ADAMTS12: variants seen among roughly 807,000 people sequenced by gnomAD.
ADAMTS12 encodes the protein A disintegrin and metalloproteinase with thrombospondin motifs 12.
Under a neutral mutation model 167.8 loss-of-function variants are expected in ADAMTS12, and 118 were observed. The observed-to-expected ratio is 0.70, with a 90% CI of 0.61 to 0.82. ADAMTS12 has a LOEUF of 0.82. Ranked by LOEUF, ADAMTS12 falls within the 40% of genes least tolerant of loss-of-function variation. ADAMTS12 has a pLI of 0.00. For missense variants in ADAMTS12, 1,916 were observed against 1,998.8 expected (o/e 0.96, Z 0.79); for synonymous variants, 704 against 716.9 (o/e 0.98, Z 0.29).
At chr5:33,639,390 C>T (rs975646543) in intron 11 of ADAMTS12, among the ~76,000 whole-genome samples, 10 of 152,118 alleles carry the variant, frequency 6.6e-5, no homozygotes, top group Admixed American at 3.9e-4. Flanking sequence ...AAATTTAAGA[C>T]AGCAATTATG....
intron 11 of ADAMTS12, among the ~76,000 whole-genome samples, chr5:33,641,012 A>G (rs1467982546): frequency 6.6e-6 from 1 of 151,888 alleles, no homozygotes; most frequent in Non-Finnish European, 1.5e-5. Context: ...CTACTTTTCA[A>G]AGTAGATGAA....
At chr5:33,724,916 C>T (rs1439424115) in intron 3 of ADAMTS12, among the ~76,000 whole-genome samples, 2 of 152,186 alleles carry the variant, frequency 1.3e-5, no homozygotes, top group African/African-American at 4.8e-5. Flanking sequence ...CAATCCAAAG[C>T]TATTTCCAAA....
chr5:33,721,070 A>G (rs1743788909), intron 3 of ADAMTS12, among the ~76,000 whole-genome samples: 1 of 152,230 alleles, frequency 6.6e-6, no homozygotes, highest in African/African-American at 2.4e-5. Context: ...CACATCTAAT[A>G]GTATGGATGC....
At chr5:33,787,351 T>C (rs193049524) in intron 2 of ADAMTS12, among the ~76,000 whole-genome samples, 1 of 152,344 alleles carries the variant, frequency 6.6e-6, no homozygotes, top group Non-Finnish European at 1.5e-5. Flanking sequence ...AAGGCAACCA[T>C]CCATTGCAGG....
At chr5:33,585,056 T>C (rs990514189) in intron 18 of ADAMTS12, among the ~76,000 whole-genome samples, 12 of 151,988 alleles carry the variant, frequency 7.9e-5, no homozygotes, top group African/African-American at 2.9e-4. Flanking sequence ...CATCCATCCA[T>C]CCATCCATCC....
chr5:33,742,726 A>G lies in ADAMTS12; in HGVS notation c.634+8678T>C, dbSNP rs555904092. On this transcript the variant is annotated intron_variant, in intron 3 of 23. Transcript: ENST00000504830. ...AAGATCCAAGTTCAACAGGATAATC[A>G]CTAATGAAGCTATAATTCACTCATT... Among the ~76,000 whole-genome samples, 7 of 152,240 alleles carry G rather than the reference A, an allele frequency of 4.6e-5. No individual in the cohort carries two copies. The South Asian group carries it at 1.0e-3, about 23-fold the overall frequency.
Position 33,546,158 on chromosome 5 carries a change from G to T in ADAMTS12, c.4347C>A (p.Phe1449Leu). ...CGGGVQERGV[F>L]CPGGLCDWTK... ...TCCAATCACAGAGGCCTCCTGGACA[G>T]AACACTCCTCTCTCCTGAACTCCAC... Residue 1449 changes from phenylalanine to leucine, a missense_variant, in exon 22 of 24, where the codon TTC (phenylalanine) becomes TTA (leucine). Physicochemically the swap from Phe to Leu is conservative, Grantham distance 22 (BLOSUM62 0). Transcript: ENST00000504830. 6.2e-7 allele frequency: 1 copy of T among 1,613,982 alleles called. No individual in the cohort carries two copies. The highest frequency in any genetic ancestry group is 8.5e-7 in the Non-Finnish European group (1 of 1,179,948).
At position 33,875,914 on chromosome 5, in the gene ADAMTS12, G is replaced by C. The variant is rs146431212; in HGVS notation, c.489+5205C>G. Among the ~76,000 whole-genome samples the C allele has an allele frequency of 2.2e-3, 332 of 152,126 alleles. 3 individuals are homozygous for C. The highest frequency in any genetic ancestry group is 7.6e-3 in the African/African-American group (315 of 41,524). On this transcript the variant is annotated intron_variant, in intron 2 of 23. Transcript: ENST00000504830. ...TATTGTATACATAGGAAATCCCAAA[G>C]AATCTTCTAAAAAAACCATCTTAGG...
chr5:33,683,196 G>T, intron 4 of ADAMTS12, 95 bp from the exon 5 acceptor site: 1 of 961,574 alleles, frequency 1.0e-6, no homozygotes, highest in Non-Finnish European at 1.6e-6. Context: ...ATAAAATAAA[G>T]GTTTTCTTAT....
rs566720566 is a variant in ADAMTS12 at position 33,852,569 on chromosome 5, T to TA, written c.489+28549dup. Among the ~76,000 whole-genome samples the TA allele has an allele frequency of 9.9e-5, 15 of 152,258 alleles. No homozygotes were observed. In the East Asian group the frequency reaches 2.9e-3, roughly 29 times the overall value. On this transcript the variant is annotated intron_variant, in intron 2 of 23. Transcript: ENST00000504830. Reference sequence around the variant, plus strand: ...AATCTGATAAATCTGTTTCTGAAAATAGTTTATTGTCCTCCCAGCCAATTT... The same window carrying TA: ...AATCTGATAAATCTGTTTCTGAAAATAAGTTTATTGTCCTCCCAGCCAATTT...
At chr5:33,684,706 A>T (rs1339201564) in intron 3 of ADAMTS12, among the ~76,000 whole-genome samples, 1 of 152,242 alleles carries the variant, frequency 6.6e-6, no homozygotes, top group African/African-American at 2.4e-5. Flanking sequence ...GAAAAGATCC[A>T]AAGGACAGCA....
chr5:33,597,688 T>C (rs1216051108), intron 16 of ADAMTS12, among the ~76,000 whole-genome samples: 2 of 152,040 alleles, frequency 1.3e-5, no homozygotes, highest in Non-Finnish European at 2.9e-5. Context: ...GAACAATTTT[T>C]TTTTTTTGAG....
intron 18 of ADAMTS12, 73 bp downstream of exon 18, chr5:33,588,526 G>A: frequency 1.9e-6 from 3 of 1,563,876 alleles, no homozygotes; most frequent in East Asian, 2.2e-5. Flanking sequence ...ACTTTGGATT[G>A]GATAATGAGA....
At chr5:33,786,669 A>C (rs935449401) in intron 2 of ADAMTS12, among the ~76,000 whole-genome samples, 3 of 152,234 alleles carry the variant, frequency 2.0e-5, no homozygotes, top group African/African-American at 7.2e-5. Flanking sequence ...TAAGCAAAGC[A>C]GTGATTCTTG....
intron 3 of ADAMTS12, among the ~76,000 whole-genome samples, chr5:33,697,150 G>A (rs1378461572): frequency 6.6e-6 from 1 of 152,208 alleles, no homozygotes; most frequent in African/African-American, 2.4e-5. Flanking sequence ...CTTAAACTGT[G>A]ATATTTAATT....
chr5:33,681,670 C>T (rs766907344), intron 5 of ADAMTS12, among the ~76,000 whole-genome samples: 2 of 152,180 alleles, frequency 1.3e-5, no homozygotes, highest in Non-Finnish European at 2.9e-5. Context: ...GAGGGGTCTA[C>T]TTTGAATAAA....
At chr5:33,888,549 A>G (rs1750724176) in intron 1 of ADAMTS12, among the ~76,000 whole-genome samples, 1 of 152,240 alleles carries the variant, frequency 6.6e-6, no homozygotes, top group Non-Finnish European at 1.5e-5. Context: ...TTAATAGAAT[A>G]CATAAATAAT....
intron 1 of ADAMTS12, among the ~76,000 whole-genome samples, chr5:33,885,266 T>A (rs1750594874): frequency 6.6e-6 from 1 of 152,198 alleles, no homozygotes; most frequent in Non-Finnish European, 1.5e-5. Context: ...CTACTATAAT[T>A]GCAATTGTGA....
At position 33,588,731 on chromosome 5, in the gene ADAMTS12, G is replaced by T. The variant is rs774886749; in HGVS notation, c.2733C>A (p.Ile911=). The T allele has an allele frequency of 1.2e-6, 2 of 1,614,168 alleles. No homozygotes were observed. Among genetic ancestry groups the T allele is most frequent in the Non-Finnish European group, 1.7e-6 (2 of 1,180,034 alleles). ...CCTGCTCGTCAGAGACCATGGTCTGGATGCACAGCACGGTTCGCTTCTTCT... is the reference window on the plus strand; with the variant it reads ...CCTGCTCGTCAGAGACCATGGTCTGTATGCACAGCACGGTTCGCTTCTTCT... ...HGEKKRTVLC[I]QTMVSDEQAL... Residue 911 remains isoleucine (I), a synonymous_variant, in exon 18 of 24, where the codon ATC becomes ATA. Transcript: ENST00000504830.
Sources: gnomAD v4.1 joint callset for allele counts (sites outside exome capture counted in the v4.1 genomes callset) on GRCh38, gnomAD v4.1.1 for gene constraint, MANE v1.5 for transcripts, NCBI Gene and HGNC (gene_info 2026-07-23, HGNC 2026-07-21) for gene names.